TBC1D16: variants seen among roughly 807,000 people sequenced by gnomAD.
The protein encoded by TBC1D16 is TBC1 domain family member 16, also known as CTD-2529O21.1.
Under a neutral mutation model 74.7 loss-of-function variants are expected in TBC1D16, and 58 were observed. The observed-to-expected ratio is 0.78, with a 90% CI of 0.63 to 0.97. The LOEUF (loss-of-function observed/expected upper bound fraction) is 0.97. Among genes scored for constraint, TBC1D16 ranks in the 50% least tolerant of loss-of-function variants. The pLI is 0.00. For missense variants in TBC1D16, 1,014 were observed against 1,079.5 expected (o/e 0.94, Z 0.85); for synonymous variants, 493 against 474.7 (o/e 1.04, Z -0.50).
rs116273996 is a variant in TBC1D16 at position 79,940,985 on chromosome 17, G to A, written c.2178C>T (p.Thr726=). The part of the protein sequence containing the change: ...DSGSMPAVEC[T]GHHPGSESCP... ...AGCTCTCCGAGCCGGGATGGTGGCC[G>A]GTGCACTCCACCGCGGGCATGGAGC... Residue 726 remains threonine, a synonymous_variant, in exon 12 of 12, where the codon ACC becomes ACT. Transcript: ENST00000310924. The surrounding 1 kb of genome is among the most constrained non-coding windows in gnomAD (Gnocchi z 5.4). 2.5e-4 allele frequency: 399 copies of A among 1,607,732 alleles called. No individual in the cohort carries two copies. Among genetic ancestry groups the A allele is most frequent in the Non-Finnish European group, 3.1e-4 (368 of 1,177,884 alleles).
chr17:79,988,300 G>A lies in TBC1D16; in HGVS notation c.779+21860C>T, dbSNP rs766494851. 6.6e-6 allele frequency among the ~76,000 whole-genome samples: 1 copy of A among 152,202 alleles called. No individual in the cohort carries two copies. Among genetic ancestry groups the A allele is most frequent in the Non-Finnish European group, 1.5e-5 (1 of 68,032 alleles). On this transcript the variant is annotated intron_variant, in intron 3 of 11. Transcript: ENST00000310924. The surrounding 1 kb of genome is among the most constrained non-coding windows in gnomAD (Gnocchi z 5.7). Reference sequence around the variant, plus strand: ...CCAAAGTCACAGAGCAAAACAACACGCTGAACAAACACCACCACCCTGAAA... The same window carrying A: ...CCAAAGTCACAGAGCAAAACAACACACTGAACAAACACCACCACCCTGAAA...
rs2036953000 is a variant in TBC1D16 at position 80,035,472 on chromosome 17, G to C, written c.-63+323C>G. 6.6e-6 allele frequency among the ~76,000 whole-genome samples: 1 copy of C among 151,952 alleles called. No individual in the cohort carries two copies. The highest frequency in any genetic ancestry group is 2.1e-4 in the South Asian group (1 of 4,836). On this transcript the variant is annotated intron_variant, in intron 1 of 11. Transcript: ENST00000310924. This position sits in a 1 kb window ranked among gnomAD's most constrained non-coding sequence, Gnocchi z 5.3. ...CCAGACAAAGACCGCAAGTTCCCCG[G>C]TCCACCGCTCCAGACAGGCGGGGAC...
intron 1 of TBC1D16, among the ~76,000 whole-genome samples, chr17:80,026,276 T>A (rs2036579930): frequency 6.7e-6 from 1 of 149,196 alleles, no homozygotes; most frequent in South Asian, 2.1e-4. Flanking sequence ...AATACAAAAA[T>A]TAGCCAGGCA....
intron 3 of TBC1D16, among the ~76,000 whole-genome samples, chr17:79,973,689 GAC>G (rs1412567332): frequency 1.3e-5 from 2 of 148,594 alleles, no homozygotes; most frequent in Admixed American, 6.8e-5. Flanking sequence ...CAGCCCAGGC[GAC>G]AGAGCGAGAC....
chr17:80,018,396 T>C (rs1309522204), intron 1 of TBC1D16, among the ~76,000 whole-genome samples: 5 of 149,138 alleles, frequency 3.4e-5, no homozygotes, highest in Non-Finnish European at 5.9e-5. Context: ...ATTCTCCTGC[T>C]TCAGCCTCCC....
At chr17:80,012,400 C>T (rs527736134) in intron 2 of TBC1D16, among the ~76,000 whole-genome samples, 28 of 152,268 alleles carry the variant, frequency 1.8e-4, no homozygotes, top group East Asian at 5.8e-4. Context: ...CCCACACAGC[C>T]GCAGCCAACC....
chr17:79,947,350 G>C (rs9902781), intron 9 of TBC1D16, among the ~76,000 whole-genome samples: 137,920 of 152,242 alleles, frequency 0.91, 62,522 homozygotes, highest in East Asian at 0.95. Flanking sequence ...ATGGTGCCAC[G>C]TCTTCCTTGC....
chr17:79,941,959 G>C lies in TBC1D16; in HGVS notation c.2055+101C>G. The C allele has an allele frequency of 1.7e-6, 2 of 1,158,220 alleles. No homozygotes were observed. The highest frequency in any genetic ancestry group is 3.0e-5 in the South Asian group (2 of 67,710). 71.7% of individuals were successfully genotyped at this position (1,158,220 alleles called of 1,614,324 possible). On this transcript the variant is annotated intron_variant, in intron 11 of 11. Coordinates refer to ENST00000310924, the MANE Select transcript of TBC1D16 (RefSeq NM_019020.4). This position sits in a 1 kb window ranked among gnomAD's most constrained non-coding sequence, Gnocchi z 4.3. ...ATGGTGGGGATGGGGCTCTGGGGGC[G>C]GGGCCCACATCTGGGGCAGCCTCAC...
At position 79,950,260 on chromosome 17, in the gene TBC1D16, CAGAG is replaced by C. The variant is rs2032937649; in HGVS notation, c.1257+147_1257+150del. 3 of 824,964 alleles carry C rather than the reference CAGAG, an allele frequency of 3.6e-6. No homozygotes were observed. Among genetic ancestry groups the C allele is most frequent in the South Asian group, 3.7e-5 (2 of 53,962 alleles). 51.1% of individuals were successfully genotyped at this position (824,964 alleles called of 1,614,324 possible). A position where few individuals can be genotyped will look rare whatever the true frequency, so the allele number is the denominator to read the frequency against. On this transcript the variant is annotated intron_variant, in intron 6 of 11. Coordinates refer to ENST00000310924, the MANE Select transcript of TBC1D16 (RefSeq NM_019020.4). This position sits in a 1 kb window ranked among gnomAD's most constrained non-coding sequence, Gnocchi z 4.6. Reference sequence around the variant, plus strand: ...TTTGATTGCTTTATCGGTGTGTTCACAGAGAGCCTCACACAAGAAAACGGGGCCC... The same window carrying C: ...TTTGATTGCTTTATCGGTGTGTTCACAGCCTCACACAAGAAAACGGGGCCC...
chr17:79,960,895 G>A (rs900183074), intron 3 of TBC1D16, among the ~76,000 whole-genome samples: 1 of 140,740 alleles, frequency 7.1e-6, no homozygotes, highest in South Asian at 2.3e-4. Context: ...TCAAATGACA[G>A]AACCACTCTG....
chr17:79,984,436 A>G (rs2144353000), intron 3 of TBC1D16, among the ~76,000 whole-genome samples: 1 of 152,314 alleles, frequency 6.6e-6, no homozygotes, highest in Admixed American at 6.5e-5. Context: ...GCTGAAGGAA[A>G]TACACCAAAA....
rs2031393314 is a variant in TBC1D16, at chr17:79,933,583, T to G, written c.*7276A>C. 6.6e-6 allele frequency: 1 copy of G among 152,056 alleles called. No homozygotes were observed. 9.4% of individuals were successfully genotyped at this position (152,056 alleles called of 1,614,324 possible). A position where few individuals can be genotyped will look rare whatever the true frequency, so the allele number is the denominator to read the frequency against. On this transcript the variant is annotated 3_prime_UTR_variant, in exon 12 of 12. Transcript: ENST00000310924. ...GGATCACAATGGGTTTCAGTTTGAT[T>G]GAGAGAAAATAAGGTAAGGGACACG...
At chr17:80,034,588 C>T (rs1280529115) in intron 1 of TBC1D16, among the ~76,000 whole-genome samples, 1 of 152,220 alleles carries the variant, frequency 6.6e-6, no homozygotes, top group African/African-American at 2.4e-5. Flanking sequence ...ACAATAACCA[C>T]GCTCAGGATG....
intron 1 of TBC1D16, among the ~76,000 whole-genome samples, chr17:80,023,704 G>A (rs1227259714): frequency 2.0e-5 from 3 of 147,844 alleles, no homozygotes; most frequent in Non-Finnish European, 3.0e-5. Flanking sequence ...CCTGCTCCTC[G>A]GTGGCCCGCC....
At chr17:79,967,987 G>T (rs1420896235) in intron 3 of TBC1D16, among the ~76,000 whole-genome samples, 1 of 152,132 alleles carries the variant, frequency 6.6e-6, no homozygotes, top group Non-Finnish European at 1.5e-5. Flanking sequence ...ATTGATAAAA[G>T]AATAATCTTT....
intron 3 of TBC1D16, among the ~76,000 whole-genome samples, chr17:79,991,055 G>T (rs754339662): frequency 1.3e-5 from 2 of 152,364 alleles, no homozygotes; most frequent in Non-Finnish European, 2.9e-5. Flanking sequence ...ATGGGCAGGG[G>T]TGGTCATGTA....
chr17:80,035,187 G>A lies in TBC1D16; in HGVS notation c.-63+608C>T, dbSNP rs562801170. ...CCTAGGTTATGTTTAGCAATCTTCA[G>A]TTGCCTTTCCTTTTTTTCTTTCCTT... On this transcript the variant is annotated intron_variant, in intron 1 of 11. Coordinates refer to ENST00000310924, the MANE Select transcript of TBC1D16 (RefSeq NM_019020.4). The surrounding 1 kb of genome is among the most constrained non-coding windows in gnomAD (Gnocchi z 5.3). 9.9e-5 allele frequency among the ~76,000 whole-genome samples: 15 copies of A among 152,066 alleles called. No individual in the cohort carries two copies. The highest frequency in any genetic ancestry group is 7.9e-4 in the Admixed American group (12 of 15,284).
chr17:79,951,866 C>A, intron 4 of TBC1D16: 2 of 367,980 alleles, frequency 5.4e-6, no homozygotes, highest in Non-Finnish European at 5.0e-6. Flanking sequence ...TCCCCACCAC[C>A]CCCTGCCCGG....
chr17:80,005,579 G>A (rs1299507426), intron 3 of TBC1D16, among the ~76,000 whole-genome samples: 1 of 152,214 alleles, frequency 6.6e-6, no homozygotes, highest in Non-Finnish European at 1.5e-5. Flanking sequence ...CAGGGTCTTG[G>A]GGTCTCAGGG....
Sources: allele counts gnomAD v4.1 joint callset (sites outside exome capture counted in the v4.1 genomes callset), GRCh38; gene constraint gnomAD v4.1.1; non-coding constraint Gnocchi (gnomAD v3.1); transcripts MANE v1.5; gene names NCBI Gene and HGNC (gene_info 2026-07-23, HGNC 2026-07-21).